The following ECT2 variants were observed in gnomAD, a reference collection of about 807,000 sequenced individuals.
ECT2 encodes epithelial cell transforming 2.
A neutral mutation model predicts 116.9 loss-of-function variants in ECT2; 61 were observed. The ratio of observed to expected loss-of-function variants is 0.52; its 90% confidence interval spans 0.42 to 0.65. The LOEUF is 0.65. Ranked by LOEUF, ECT2 falls within the 30% of genes least tolerant of loss-of-function variation. The probability of loss-of-function intolerance (pLI) is 0.00; values close to 1 mark genes in which losing one functional copy is unlikely to be tolerated. For missense variants in ECT2, 937 were observed against 1,078.7 expected, an observed-to-expected ratio of 0.87 and a Z score of 1.84; for synonymous variants, 358 against 346.4, an observed-to-expected ratio of 1.03 and a Z score of -0.37.
chr3:172,754,350 A>G (rs1030356524), intron 1 of ECT2, 159 bp from the exon 2 acceptor site: 2 of 510,058 alleles, frequency 3.9e-6, no homozygotes, highest in Non-Finnish European at 6.9e-6. Flanking sequence ...TTTTACAGAA[A>G]AAGAAACTGA....
chr3:172,770,215 A>G (rs914276192), intron 13 of ECT2, among the ~76,000 whole-genome samples: 1 of 152,164 alleles, frequency 6.6e-6, no homozygotes, highest in Non-Finnish European at 1.5e-5. Context: ...TGAAGTTTTT[A>G]TAATGATTCA....
Position 172,802,990 on chromosome 3 carries a change from T to C in ECT2, c.2106+10T>C, listed in dbSNP as rs752457237. The C allele has an allele frequency of 6.2e-7, 1 of 1,605,220 alleles. No individual in the cohort carries two copies. Among genetic ancestry groups the C allele is most frequent in the East Asian group, 2.2e-5 (1 of 44,638 alleles). On this transcript the variant is annotated intron_variant, in intron 20 of 24. Transcript: ENST00000392692. ...CAATGATTGCCTAGAGGTAAAGATG[T>C]ACTTCACATAGTATAATAACACTAC...
Position 172,774,038 on chromosome 3 carries a change from TTAGA to T in ECT2, c.1548+18_1548+21del, listed in dbSNP as rs377393223. On this transcript the variant is annotated intron_variant, in intron 14 of 24. Transcript: ENST00000392692. ...TAAGATAAAGGTAAATTTGTATATG[TTAGA>T]TTGGTAGTAATTTTTTTCAGATTGT... The T allele has an allele frequency of 2.0e-3, 3,148 of 1,604,900 alleles. 4 individuals are homozygous for T. The highest frequency in any genetic ancestry group is 3.2e-3 in the Admixed American group (189 of 59,670).
At chr3:172,756,674 G>A (rs1454549185) in intron 4 of ECT2, among the ~76,000 whole-genome samples, 1 of 151,952 alleles carries the variant, frequency 6.6e-6, no homozygotes, top group Non-Finnish European at 1.5e-5. Context: ...TAATTTTATG[G>A]AACTTATGCA....
At chr3:172,768,944 C>G in intron 12 of ECT2, 63 bp from the exon 13 acceptor site, 2 of 1,439,952 alleles carry the variant, frequency 1.4e-6, no homozygotes, top group South Asian at 3.0e-5. Context: ...CTTGTTAAGT[C>G]TACATAATGT....
chr3:172,760,845 C>T (rs1004640408), intron 7 of ECT2, among the ~76,000 whole-genome samples: 7 of 151,192 alleles, frequency 4.6e-5, no homozygotes, highest in South Asian at 2.1e-4. Context: ...CTCAGCCTCC[C>T]GAGTAGCTGG....
intron 16 of ECT2, 79 bp from the exon 17 acceptor site, chr3:172,784,628 A>G: frequency 2.1e-6 from 2 of 963,220 alleles, no homozygotes; most frequent in East Asian, 2.4e-5. Flanking sequence ...CACTAATGAT[A>G]AGGTGTACTC....
intron 22 of ECT2, among the ~76,000 whole-genome samples, chr3:172,814,144 A>AG (rs1729273874): frequency 1.3e-5 from 2 of 152,174 alleles, no homozygotes; most frequent in African/African-American, 4.8e-5. Context: ...TAGCAGGCAG[A>AG]GGGGATGTGG....
intron 13 of ECT2, among the ~76,000 whole-genome samples, chr3:172,770,518 T>C (rs1720420660): frequency 1.3e-5 from 2 of 152,154 alleles, no homozygotes. Context: ...AAAATTTTTT[T>C]TTATACAGAT....
At position 172,784,782 on chromosome 3, in the gene ECT2, A is replaced by C; in HGVS notation, c.1804A>C (p.Ser602Arg). 9 of 1,605,596 alleles carry C rather than the reference A, an allele frequency of 5.6e-6. No homozygotes were observed. The highest frequency in any genetic ancestry group is 6.8e-6 in the Non-Finnish European group (8 of 1,173,612). Residue 602 changes from serine (S) to arginine (R), a missense_variant, in exon 17 of 25, where the codon AGT becomes CGT. Transcript: ENST00000392692. ...TATCCGACCAGTACAGAGGTTACCC[A>C]GTGTTGCATTACTTTTAAATGGTAC... ...LLIRPVQRLP[S>R]VALLLNDLKK...
intron 14 of ECT2, 76 bp from the exon 15 acceptor site, chr3:172,782,087 G>A (rs1293963631): frequency 2.6e-6 from 2 of 781,268 alleles, no homozygotes; most frequent in Non-Finnish European, 3.9e-6. Flanking sequence ...TTTCCAATGA[G>A]TATCTCAGAA....
chr3:172,775,630 GTTT>G (rs1008515041), intron 14 of ECT2, among the ~76,000 whole-genome samples: 1 of 150,150 alleles, frequency 6.7e-6, no homozygotes, highest in South Asian at 2.1e-4. Flanking sequence ...GGTTTTGTGG[GTTT>G]TTTTCTTTTT....
rs113251097 is a variant in ECT2 at position 172,770,679 on chromosome 3, G to T, written c.1428+1536G>T. Among the ~76,000 whole-genome samples the T allele has an allele frequency of 4.7e-3, 717 of 152,208 alleles. 9 individuals are homozygous for T. The highest frequency in any genetic ancestry group is 0.045 in the South Asian group (217 of 4,814). The stretch of plus-strand genomic sequence containing the variant: ...CATTAAAGAGCTTTGTTTTAGGACT[G>T]ATATTTTCCTTTTTGGGGGGATAGG... On this transcript the variant is annotated intron_variant, in intron 13 of 24. Coordinates refer to ENST00000392692, the MANE Select transcript of ECT2 (RefSeq NM_001258315.2).
intron 20 of ECT2, 104 bp downstream of exon 20, chr3:172,803,084 A>T: frequency 2.9e-6 from 3 of 1,042,356 alleles, no homozygotes; most frequent in Non-Finnish European, 3.9e-6. Flanking sequence ...AATTTTAAAT[A>T]AACTCAAGTA....
chr3:172,766,384 A>G (rs1719391262), intron 12 of ECT2, among the ~76,000 whole-genome samples: 1 of 152,234 alleles, frequency 6.6e-6, no homozygotes, highest in Non-Finnish European at 1.5e-5. Context: ...TCAACAAGGA[A>G]TTTTAGAAAC....
chr3:172,808,004 G>A, intron 22 of ECT2, 80 bp downstream of exon 22: 1 of 1,333,356 alleles, frequency 7.5e-7, no homozygotes, highest in Non-Finnish European at 1.0e-6. Flanking sequence ...CATTTTTAAT[G>A]ACTTGTTTAT....
intron 7 of ECT2, among the ~76,000 whole-genome samples, chr3:172,761,098 G>C (rs1194139071): frequency 6.6e-6 from 1 of 152,060 alleles, no homozygotes; most frequent in Non-Finnish European, 1.5e-5. Context: ...TATTATAATA[G>C]GAGAAAATAC....
At chr3:172,775,697 G>A (rs1488550120) in intron 14 of ECT2, among the ~76,000 whole-genome samples, 8 of 151,108 alleles carry the variant, frequency 5.3e-5, no homozygotes, top group Non-Finnish European at 1.0e-4. Flanking sequence ...GCAGTGGTGC[G>A]ATCTTGGCTC....
At chr3:172,760,698 T>C in intron 7 of ECT2, among the ~76,000 whole-genome samples, 1 of 149,186 alleles carries the variant, frequency 6.7e-6, no homozygotes, top group Non-Finnish European at 1.5e-5. Flanking sequence ...GGGAATTTAC[T>C]CTTGTCTAAG....
Sources: allele counts gnomAD v4.1 joint callset (sites outside exome capture counted in the v4.1 genomes callset), GRCh38; gene constraint gnomAD v4.1.1; transcripts MANE v1.5; gene names NCBI Gene and HGNC (gene_info 2026-07-23, HGNC 2026-07-21).